GPR143: variants seen among roughly 807,000 people sequenced by gnomAD.
GPR143 encodes G-protein coupled receptor 143.
A neutral mutation model predicts 27.6 loss-of-function variants in GPR143; 8 were observed. The observed-to-expected ratio is 0.29, with a 90% confidence interval of 0.17 to 0.52. GPR143 has a LOEUF of 0.52. Ranked by LOEUF, GPR143 falls within the 20% of genes least tolerant of loss-of-function variation. The probability of loss-of-function intolerance (pLI) is 0.96; values close to 1 mark genes in which losing one functional copy is unlikely to be tolerated. For synonymous variants in GPR143, 156 were observed against 153.2 expected, an observed-to-expected ratio of 1.02 and a Z score of -0.13; for missense variants, 303 against 343.1, an observed-to-expected ratio of 0.88 and a Z score of 0.92.
intron 1 of GPR143, among the ~76,000 whole-genome samples, chrX:9,772,813 CAAAAAAA>C (rs57110568): frequency 6.0e-5 from 3 of 49,815 alleles, no homozygotes; most frequent in African/African-American, 1.7e-4. Context: ...GATCCTGTCT[CAAAAAAA>C]AAAAAAAAAA....
At chrX:9,747,909 TA>T (rs1300790339) in intron 4 of GPR143, 1 of 113,600 alleles carries the variant, frequency 8.8e-6, no homozygotes, top group African/African-American at 3.2e-5. Context: ...ATCCCTGGTA[TA>T]AAAATCACAG....
intron 1 of GPR143, among the ~76,000 whole-genome samples, chrX:9,762,464 T>C (rs763389923): frequency 9.0e-6 from 1 of 111,680 alleles, no homozygotes; most frequent in East Asian, 2.8e-4. Flanking sequence ...TATGTAGTAG[T>C]GCTCACTGGT....
chrX:9,752,133 A>G (rs758135125), intron 3 of GPR143, among the ~76,000 whole-genome samples: 1 of 112,683 alleles, frequency 8.9e-6, no homozygotes, highest in East Asian at 2.8e-4. Flanking sequence ...CAATGGCACA[A>G]TGATAGCTCA....
chrX:9,760,983 AAGAC>A (rs1008070417), intron 1 of GPR143, among the ~76,000 whole-genome samples, 157 bp from the exon 2 acceptor site: 3 of 111,084 alleles, frequency 2.7e-5, no homozygotes, highest in African/African-American at 6.5e-5. Context: ...GGGAGGGAAA[AAGAC>A]AAGGAGGGAA....
At chrX:9,756,525 ACTC>A (rs1405982253) in intron 3 of GPR143, among the ~76,000 whole-genome samples, 1 of 111,964 alleles carries the variant, frequency 8.9e-6, no homozygotes, top group Non-Finnish European at 1.9e-5. Flanking sequence ...TATATAAAGA[ACTC>A]CTACAACTCA....
chrX:9,764,062 G>T (rs1455732004), intron 1 of GPR143, among the ~76,000 whole-genome samples: 1 of 112,114 alleles, frequency 8.9e-6, no homozygotes, highest in African/African-American at 3.2e-5. Flanking sequence ...AACACTTTAC[G>T]ATGCCAAGGG....
intron 3 of GPR143, among the ~76,000 whole-genome samples, chrX:9,754,992 C>T (rs1271401944): frequency 8.9e-6 from 1 of 111,878 alleles, no homozygotes; most frequent in East Asian, 2.8e-4. Context: ...GGCTGTATCA[C>T]ACTGCTGATT....
intron 1 of GPR143, among the ~76,000 whole-genome samples, chrX:9,773,819 G>A (rs1252068989): frequency 1.8e-5 from 2 of 110,393 alleles, no homozygotes; most frequent in East Asian, 2.8e-4. Context: ...AGCCGAGGTC[G>A]CACCACTTCA....
At chrX:9,729,553 G>A (rs1165228046) in intron 8 of GPR143, among the ~76,000 whole-genome samples, 1 of 112,183 alleles carries the variant, frequency 8.9e-6, no homozygotes, top group African/African-American at 3.2e-5. Context: ...CCTGTGCTCA[G>A]CTCAATGAGT....
chrX:9,725,980 CAAAAAAAAAAA>C (rs35066814), intron 8 of GPR143, 140 bp from the exon 9 acceptor site: 17 of 354,962 alleles, frequency 4.8e-5, no homozygotes, highest in East Asian at 9.3e-4. Context: ...ATCTCATCTG[CAAAAAAAAAAA>C]AAAAAAAAAA....
At chrX:9,730,609 C>T (rs1027382857) in intron 8 of GPR143, among the ~76,000 whole-genome samples, 2 of 111,944 alleles carry the variant, frequency 1.8e-5, no homozygotes, top group African/African-American at 6.5e-5. Flanking sequence ...ACTTGGAGAA[C>T]AGGCTGCTGA....
intron 8 of GPR143, among the ~76,000 whole-genome samples, chrX:9,737,690 T>C (rs2083384699): frequency 9.0e-6 from 1 of 111,648 alleles, no homozygotes; most frequent in Non-Finnish European, 1.9e-5. Context: ...ACCTTTATGG[T>C]ACGTTAATTA....
At chrX:9,725,869 G>A (rs192912901) in intron 8 of GPR143, 29 bp from the exon 9 acceptor site, 10 of 1,187,489 alleles carry the variant, frequency 8.4e-6, no homozygotes, top group East Asian at 3.1e-5. Flanking sequence ...AAGACTGACT[G>A]TGTCTGTGTC....
At chrX:9,768,540 C>T (rs2083542962), upstream of GPR143, among the ~76,000 whole-genome samples, 2 of 111,827 alleles carry the variant, frequency 1.8e-5, no homozygotes, top group African/African-American at 3.2e-5. Context: ...ATTAGCAGAG[C>T]GTGCTGCTGC....
In GPR143 at chrX:9,741,067, T is replaced by G. The variant is rs148174437; in HGVS notation, c.885+271A>C. 1.4e-3 allele frequency: 402 copies of G among 295,813 alleles called. 4 individuals are homozygous for G. The East Asian group carries it at 0.019, about 14-fold the overall frequency. 24.4% of individuals were successfully genotyped at this position (295,813 alleles called of 1,213,427 possible). On this transcript the variant is annotated intron_variant, in intron 7 of 8. Coordinates refer to ENST00000467482, the MANE Select transcript of GPR143 (RefSeq NM_000273.3). ...TTGTACTTCTGACTGCTTCTTTTTC[T>G]TCTGATTTTTTTTCAAGCAGAAAGT...
At chrX:9,751,880 G>T (rs1371871185) in intron 3 of GPR143, among the ~76,000 whole-genome samples, 1 of 112,706 alleles carries the variant, frequency 8.9e-6, no homozygotes, top group East Asian at 2.8e-4. Flanking sequence ...CCTGTTCTAG[G>T]CACAAAAAAC....
At chrX:9,752,752 G>C (rs1385960704) in intron 3 of GPR143, among the ~76,000 whole-genome samples, 2 of 111,652 alleles carry the variant, frequency 1.8e-5, no homozygotes, top group Non-Finnish European at 3.8e-5. Context: ...AGGCTGAGGC[G>C]GGAGGATTGC....
chrX:9,749,250 C>T (rs1314864208), intron 3 of GPR143, among the ~76,000 whole-genome samples: 1 of 106,757 alleles, frequency 9.4e-6, no homozygotes, highest in Non-Finnish European at 1.9e-5. Context: ...CCTCCGGCCC[C>T]CAATCGCTCG....
chrX:9,769,418 C>A (rs2083545702), upstream of GPR143, among the ~76,000 whole-genome samples: 1 of 111,283 alleles, frequency 9.0e-6, no homozygotes, highest in Admixed American at 9.6e-5. Context: ...ATGGTGAGTC[C>A]CCTGACATCG....
Sources: allele counts gnomAD v4.1 joint callset (sites outside exome capture counted in the v4.1 genomes callset), GRCh38; gene constraint gnomAD v4.1.1; transcripts MANE v1.5; gene names NCBI Gene and HGNC (gene_info 2026-07-23, HGNC 2026-07-21).